ABCA1: variants seen among roughly 807,000 people sequenced by gnomAD.
ABCA1 encodes the protein phospholipid-transporting ATPase ABCA1.
Under a neutral mutation model 262.5 loss-of-function variants are expected in ABCA1, and 133 were observed. That is an observed-to-expected ratio of 0.51 (90% CI 0.44 to 0.59). The LOEUF is 0.59. ABCA1 is among the 20% of genes least tolerant of loss of function. ABCA1 has a pLI of 0.00. For synonymous variants in ABCA1, 1,022 were observed against 1,043.5 expected, an observed-to-expected ratio of 0.98 and a Z score of 0.40; for missense variants, 2,452 against 2,777.5, an observed-to-expected ratio of 0.88 and a Z score of 2.63.
rs1828854695 is a variant in ABCA1 at position 104,785,588 on chromosome 9, G to A, written c.6453C>T (p.Asp2151=). The A allele has an allele frequency of 1.9e-6, 3 of 1,614,146 alleles. No individual in the cohort carries two copies. Among genetic ancestry groups the A allele is most frequent in the Non-Finnish European group, 2.5e-6 (3 of 1,180,014 alleles). The change falls in exon 49 of 50, where the codon GAC becomes GAT. Residue 2151 remains aspartate (D), a synonymous_variant. Transcript: ENST00000374736. ...CAAAGAAATCCTGGACAGGCTTCAG[G>A]TCCGGGTTGGACCCTGCTATTCGTA... is the stretch of plus-strand genomic sequence containing the variant. ...IVVRIAGSNP[D]LKPVQDFFGL... is the part of the protein sequence containing the mutation.
At chr9:104,874,917 G>T (rs1382825675) in intron 5 of ABCA1, among the ~76,000 whole-genome samples, 8 of 151,548 alleles carry the variant, frequency 5.3e-5, no homozygotes, top group Non-Finnish European at 1.0e-4. Context: ...GAGGTGGGGG[G>T]CGCCTCTGCC....
chr9:104,812,793 G>T, intron 27 of ABCA1, 71 bp from the exon 28 acceptor site: 4 of 1,590,798 alleles, frequency 2.5e-6, no homozygotes, highest in Non-Finnish European at 3.4e-6. Flanking sequence ...TCCTTCTTCT[G>T]GTGTCTTCAA....
At position 104,861,495 on chromosome 9, in the gene ABCA1, C is replaced by G. The variant is rs1836381454; in HGVS notation, c.543+184G>C. On this transcript the variant is annotated intron_variant, in intron 6 of 49. Coordinates refer to ENST00000374736, the MANE Select transcript of ABCA1 (RefSeq NM_005502.4). ...GGCCCATGACGCCAGGTTGCATATTCCACTCCTGGATGGTTTGGCAATTCC... is the reference window on the plus strand; with the variant it reads ...GGCCCATGACGCCAGGTTGCATATTGCACTCCTGGATGGTTTGGCAATTCC... The G allele has an allele frequency of 1.7e-5, 13 of 766,716 alleles. No homozygotes were observed. The South Asian group carries it at 2.0e-4, about 12-fold the overall frequency. 47.5% of individuals were successfully genotyped at this position (766,716 alleles called of 1,614,324 possible).
chr9:104,815,994 G>T, intron 25 of ABCA1, 149 bp downstream of exon 25: 1 of 865,664 alleles, frequency 1.2e-6, no homozygotes, highest in Non-Finnish European at 2.0e-6. Flanking sequence ...ATCTTAAATG[G>T]CTCACTGGGG....
chr9:104,887,147 A>C (rs972892799), intron 3 of ABCA1, among the ~76,000 whole-genome samples: 4 of 152,130 alleles, frequency 2.6e-5, no homozygotes, highest in Non-Finnish European at 5.9e-5. Context: ...ACGTGGTGGC[A>C]CATGCCTGTA....
chr9:104,865,248 G>C (rs1457169416), intron 5 of ABCA1, among the ~76,000 whole-genome samples: 1 of 152,228 alleles, frequency 6.6e-6, no homozygotes, highest in African/African-American at 2.4e-5. Flanking sequence ...AGAACTGCTA[G>C]GGTAAGACCC....
Position 104,817,419 on chromosome 9 carries a change from G to A in ABCA1, c.3463-15C>T. The A allele has an allele frequency of 1.2e-6, 2 of 1,614,206 alleles. No homozygotes were observed. Among genetic ancestry groups the A allele is most frequent in the Non-Finnish European group, 1.7e-6 (2 of 1,180,012 alleles). On this transcript the variant is annotated splice_polypyrimidine_tract_variant and intron_variant, in intron 23 of 49. Coordinates refer to ENST00000374736, the MANE Select transcript of ABCA1 (RefSeq NM_005502.4). This position sits in a 1 kb window ranked among gnomAD's most constrained non-coding sequence, Gnocchi z 4.7. ...ACACTGTCCTCCTGATGGCAAAGAAGGAGGTGAGAACGGGTCAGGGACGGA... is the reference window on the plus strand; with the variant it reads ...ACACTGTCCTCCTGATGGCAAAGAAAGAGGTGAGAACGGGTCAGGGACGGA...
chr9:104,903,589 C>A (rs1483630444), intron 2 of ABCA1, 25 bp downstream of exon 2: 2 of 1,569,062 alleles, frequency 1.3e-6, no homozygotes, highest in South Asian at 1.2e-5. Flanking sequence ...AGAGAACCCC[C>A]CGCTGCTGAA....
At chr9:104,879,031 C>T (rs151120984) in intron 5 of ABCA1, among the ~76,000 whole-genome samples, 22 of 151,242 alleles carry the variant, frequency 1.5e-4, no homozygotes, top group African/African-American at 4.1e-4. Context: ...GCCAAGATTG[C>T]GCCACTGCAC....
Position 104,793,105 on chromosome 9 carries a change from G to A in ABCA1, c.5636+66C>T, listed in dbSNP as rs568139450. On this transcript the variant is annotated intron_variant, in intron 41 of 49. Coordinates refer to ENST00000374736, the MANE Select transcript of ABCA1 (RefSeq NM_005502.4). ...TTCAATGCAACCCCCATTGGTGAGTGTTTCCCTGTGCGCCTCCTCTGTGAC... is the reference window on the plus strand; with the variant it reads ...TTCAATGCAACCCCCATTGGTGAGTATTTCCCTGTGCGCCTCCTCTGTGAC... The A allele has an allele frequency of 8.1e-6, 13 of 1,606,456 alleles. No individual in the cohort carries two copies. The East Asian group carries it at 2.7e-4, about 33-fold the overall frequency.
At chr9:104,842,616 G>A (rs574603821) in intron 8 of ABCA1, among the ~76,000 whole-genome samples, 1 of 152,146 alleles carries the variant, frequency 6.6e-6, no homozygotes, top group Non-Finnish European at 1.5e-5. Context: ...CTGACTCTCA[G>A]GGAGGGATGG....
chr9:104,869,787 G>T (rs1324651764), intron 5 of ABCA1, among the ~76,000 whole-genome samples: 1 of 152,104 alleles, frequency 6.6e-6, no homozygotes, highest in African/African-American at 2.4e-5. Flanking sequence ...GGCTCACCGA[G>T]GGATACCAAG....
At chr9:104,892,068 C>CA (rs538988216) in intron 2 of ABCA1, among the ~76,000 whole-genome samples, 1 of 135,964 alleles carries the variant, frequency 7.4e-6, no homozygotes, top group Non-Finnish European at 1.6e-5. Flanking sequence ...TCTCATGGAA[C>CA]AAAAAAACAC....
At position 104,782,946 on chromosome 9, in the gene ABCA1, C is replaced by T. The variant is rs369313500; in HGVS notation, c.*1369G>A. On this transcript the variant is annotated 3_prime_UTR_variant, in exon 50 of 50. Coordinates refer to ENST00000374736, the MANE Select transcript of ABCA1 (RefSeq NM_005502.4). ...TAAACCAGTGAGCTGAATAACATGG[C>T]ACAGGAAGTGTACTGAGACTTAATA... 12 of 152,430 alleles carry T rather than the reference C, an allele frequency of 7.9e-5. No individual in the cohort carries two copies. Among genetic ancestry groups the T allele is most frequent in the African/African-American group, 2.9e-4 (12 of 41,448 alleles). 9.4% of individuals were successfully genotyped at this position (152,430 alleles called of 1,614,324 possible).
Position 104,781,942 on chromosome 9 carries a change from G to T in ABCA1, c.*2373C>A, listed in dbSNP as rs1828571020. 6.6e-6 allele frequency: 1 copy of T among 152,098 alleles called. No individual in the cohort carries two copies. Among genetic ancestry groups the T allele is most frequent in the Non-Finnish European group, 1.5e-5 (1 of 67,968 alleles). 9.4% of individuals were successfully genotyped at this position (152,098 alleles called of 1,614,324 possible). A position where few individuals can be genotyped will look rare whatever the true frequency, so the allele number is the denominator to read the frequency against. Reference sequence around the variant, plus strand: ...TAAAAGGTAACACAGTATTAATGAAGATGTATAACTATAGATTGTTTCTAG... The same window carrying T: ...TAAAAGGTAACACAGTATTAATGAATATGTATAACTATAGATTGTTTCTAG... On this transcript the variant is annotated 3_prime_UTR_variant, in exon 50 of 50. Transcript: ENST00000374736.
At chr9:104,821,527 G>A (rs746910218) in intron 19 of ABCA1, 21 bp from the exon 20 acceptor site, 1 of 1,613,432 alleles carries the variant, frequency 6.2e-7, no homozygotes, top group Admixed American at 1.7e-5. Flanking sequence ...AAATTTAGAA[G>A]TACAGAAGTC....
chr9:104,846,473 T>C (rs1189228719), intron 7 of ABCA1, among the ~76,000 whole-genome samples: 2 of 152,272 alleles, frequency 1.3e-5, no homozygotes, highest in Admixed American at 1.3e-4. Flanking sequence ...TTTTGACATT[T>C]GTCATATCAG....
At chr9:104,893,438 A>AG (rs1839941614) in intron 2 of ABCA1, among the ~76,000 whole-genome samples, 3 of 118,836 alleles carry the variant, frequency 2.5e-5, no homozygotes, top group Non-Finnish European at 5.5e-5. Flanking sequence ...AAAAAAAAAA[A>AG]AAAAAAAAAA....
intron 2 of ABCA1, among the ~76,000 whole-genome samples, chr9:104,902,590 A>G (rs570045460): frequency 6.6e-6 from 1 of 152,374 alleles, no homozygotes; most frequent in East Asian, 1.9e-4. Context: ...ATAGTTGTAT[A>G]ATAACAGCCT....
Sources: allele counts gnomAD v4.1 joint callset (sites outside exome capture counted in the v4.1 genomes callset), GRCh38; gene constraint gnomAD v4.1.1; non-coding constraint Gnocchi (gnomAD v3.1); transcripts MANE v1.5; gene names NCBI Gene and HGNC (gene_info 2026-07-23, HGNC 2026-07-21).